Variants in GATA6 observed in about 807,000 individuals in gnomAD.
GATA6 encodes GATA binding protein 6, also known as transcription factor GATA-6.
A neutral mutation model predicts 48.1 loss-of-function variants in GATA6; 11 were observed. The ratio of observed to expected loss-of-function variants is 0.23; its 90% CI spans 0.14 to 0.38. The LOEUF is 0.38. Among genes scored for constraint, GATA6 ranks in the 10% least tolerant of loss-of-function variants. The pLI is 1.00. For missense variants in GATA6, 795 were observed against 850.3 expected, an observed-to-expected ratio of 0.93 and a Z score of 0.81; for synonymous variants, 419 against 396.1, an observed-to-expected ratio of 1.06 and a Z score of -0.69.
Position 22,171,642 on chromosome 18 carries a change from C to G in GATA6, c.498C>G (p.Pro166=), listed in dbSNP as rs746437124. The part of the protein sequence containing the change: ...SQGPAAYDGA[P]GGFVHSAAAA... ...GTCCGGCCGCCTACGACGGCGCGCCCGGCGGCTTCGTGCACTCTGCGGCCG... is the reference window on the plus strand; with the variant it reads ...GTCCGGCCGCCTACGACGGCGCGCCGGGCGGCTTCGTGCACTCTGCGGCCG... Residue 166 remains proline, a synonymous_variant, in exon 2 of 7, where the codon CCC becomes CCG. Transcript: ENST00000269216. This position sits in a 1 kb window ranked among gnomAD's most constrained non-coding sequence, Gnocchi z 7.1. 4 of 1,588,278 alleles carry G rather than the reference C, an allele frequency of 2.5e-6. No individual in the cohort carries two copies. The South Asian group carries it at 3.4e-5, about 13-fold the overall frequency.
At chr18:22,189,060 G>T (rs1568003679) in intron 6 of GATA6, among the ~76,000 whole-genome samples, 1 of 152,150 alleles carries the variant, frequency 6.6e-6, no homozygotes, top group Non-Finnish European at 1.5e-5. Context: ...GGATGGGTGG[G>T]CCTTAACCAC....
chr18:22,175,337 T>A (rs1402768886), intron 2 of GATA6: 2 of 152,212 alleles, frequency 1.3e-5, no homozygotes, highest in Non-Finnish European at 1.5e-5. Context: ...ACCTGGGGAG[T>A]TCACACTGTC....
intron 6 of GATA6, among the ~76,000 whole-genome samples, chr18:22,189,540 A>T (rs1313870226): frequency 6.6e-6 from 1 of 152,160 alleles, no homozygotes; most frequent in Non-Finnish European, 1.5e-5. Flanking sequence ...TTCCTGTGAA[A>T]GAGCTGAAAG....
Position 22,200,868 on chromosome 18 carries a change from C to T in GATA6, c.*45C>T, listed in dbSNP as rs1404384125. 5 of 1,566,064 alleles carry T rather than the reference C, an allele frequency of 3.2e-6. No individual in the cohort carries two copies. Among genetic ancestry groups the T allele is most frequent in the Non-Finnish European group, 3.5e-6 (4 of 1,153,906 alleles). ...AGGGAGGGCTCCGCCGCGGGCCTCA[C>T]TCCACTCGTGTCTGCTTTTGTGCAG... is the stretch of plus-strand genomic sequence containing the variant. On this transcript the variant is annotated 3_prime_UTR_variant, in exon 7 of 7. Transcript: ENST00000269216.
intron 3 of GATA6, among the ~76,000 whole-genome samples, chr18:22,179,842 T>A (rs1342565755): frequency 6.6e-6 from 1 of 152,224 alleles, no homozygotes; most frequent in Admixed American, 6.5e-5. Context: ...GTTGTAGTGC[T>A]AAAAGGTTTG....
chr18:22,170,085 A>G lies in GATA6; in HGVS notation c.-38+403A>G, dbSNP rs1172788969. Among the ~76,000 whole-genome samples the G allele has an allele frequency of 6.6e-6, 1 of 151,840 alleles. No homozygotes were observed. The highest frequency in any genetic ancestry group is 1.5e-5 in the Non-Finnish European group (1 of 67,968). ...GCCTGGAGGAGGCCAGCCCGGCTGCATTTCACCTCCCTCCCCCACTCGCTC... is the reference window on the plus strand; with the variant it reads ...GCCTGGAGGAGGCCAGCCCGGCTGCGTTTCACCTCCCTCCCCCACTCGCTC... On this transcript the variant is annotated intron_variant, in intron 1 of 6. Transcript: ENST00000269216. The surrounding 1 kb of genome is among the most constrained non-coding windows in gnomAD (Gnocchi z 6.7).
Position 22,177,027 on chromosome 18 carries a change from G to A in GATA6, c.1208G>A (p.Arg403Gln), listed in dbSNP as rs1567995625. ...CGSIQTPLWR[R>Q]DGTGHYLCNA... ...TCCATCCAGACGCCGCTGTGGCGGC[G>A]GGACGGCACCGGCCACTACCTGTGC... The change falls in exon 3 of 7, where the codon CGG (arginine) becomes CAG (glutamine). Residue 403 changes from arginine to glutamine, a missense_variant. By Grantham distance (43) the Arg-to-Gln change is conservative. Coordinates refer to ENST00000269216, the MANE Select transcript of GATA6 (RefSeq NM_005257.6). The A allele has an allele frequency of 1.3e-6, 2 of 1,576,998 alleles. No homozygotes were observed. Among genetic ancestry groups the A allele is most frequent in the South Asian group, 1.2e-5 (1 of 86,760 alleles).
intron 6 of GATA6, among the ~76,000 whole-genome samples, chr18:22,189,857 G>A (rs982232785): frequency 6.6e-6 from 1 of 152,174 alleles, no homozygotes; most frequent in Non-Finnish European, 1.5e-5. Flanking sequence ...TTATGTGCCA[G>A]GTGTTTTAGA....
chr18:22,182,759 G>A lies in GATA6; in HGVS notation c.1431G>A (p.Val477=), dbSNP rs566807472. ...TGGCCTATGTGAAAATTTTTTAGGTGCCCAGACCACTTGCTATGAAAAAAG... is the reference window on the plus strand; with the variant it reads ...TGGCCTATGTGAAAATTTTTTAGGTACCCAGACCACTTGCTATGAAAAAAG... ...ACGLYMKLHG[V]PRPLAMKKEG... The change falls in exon 5 of 7, where the codon GTG becomes GTA. Residue 477 remains valine (V), a splice_region_variant and synonymous_variant. Coordinates refer to ENST00000269216, the MANE Select transcript of GATA6 (RefSeq NM_005257.6). 3 of 1,612,994 alleles carry A rather than the reference G, an allele frequency of 1.9e-6. No individual in the cohort carries two copies. The highest frequency in any genetic ancestry group is 2.5e-6 in the Non-Finnish European group (3 of 1,179,270).
chr18:22,182,712 C>G, intron 4 of GATA6, 45 bp from the exon 5 acceptor site: 5 of 1,380,756 alleles, frequency 3.6e-6, no homozygotes, highest in Non-Finnish European at 5.1e-6. Flanking sequence ...TTTGGTTTTT[C>G]TTCAATATAA....
chr18:22,176,918 C>G lies in GATA6; in HGVS notation c.1136-37C>G, dbSNP rs988221670. 9.2e-6 allele frequency: 14 copies of G among 1,521,888 alleles called. No individual in the cohort carries two copies. The African/African-American group carries it at 1.7e-4, about 18-fold the overall frequency. The allele number at this position is 1,521,888 out of a possible 1,614,324, so 94.3% of individuals were successfully genotyped here. A position where few individuals can be genotyped will look rare whatever the true frequency, so the allele number is the denominator to read the frequency against. On this transcript the variant is annotated intron_variant, in intron 2 of 6. Coordinates refer to ENST00000269216, the MANE Select transcript of GATA6 (RefSeq NM_005257.6). ...GACGCGGGGAGGGACGGGTCCGGCG[C>G]GCCCACTCCCGCCCTCACGCACCGC...
At chr18:22,200,624 C>G in intron 6 of GATA6, 32 bp from the exon 7 acceptor site, 3 of 1,613,956 alleles carry the variant, frequency 1.9e-6, no homozygotes, top group Non-Finnish European at 2.5e-6. Flanking sequence ...CTCACCTTCT[C>G]GTCTCTCCTC....
chr18:22,180,221 AT>A (rs138656898), intron 3 of GATA6: 15 of 148,856 alleles, frequency 1.0e-4, no homozygotes, highest in East Asian at 2.0e-4. Flanking sequence ...GCAAGCATCC[AT>A]TTTTTTTTTA....
Position 22,199,723 on chromosome 18 carries a change from T to A in GATA6, c.1621-933T>A, listed in dbSNP as rs574895695. Among the ~76,000 whole-genome samples the A allele has an allele frequency of 3.3e-4, 50 of 151,822 alleles. 1 individual carries two copies. In the South Asian group the frequency reaches 0.01, roughly 30 times the overall value. On this transcript the variant is annotated intron_variant, in intron 6 of 6. Coordinates refer to ENST00000269216, the MANE Select transcript of GATA6 (RefSeq NM_005257.6). ...TTTGAGACCAGCCTGGCCAACATGG[T>A]GAAACCCCGTCTCTACTAAAAATAC...
intron 3 of GATA6, among the ~76,000 whole-genome samples, chr18:22,178,660 C>T (rs561565020): frequency 2.8e-4 from 42 of 152,168 alleles, no homozygotes; most frequent in African/African-American, 8.7e-4. Context: ...ATAAAGTGGC[C>T]GAGGTTAATT....
rs780160108 is a variant in GATA6 at position 22,171,235 on chromosome 18, G to A, written c.91G>A (p.Glu31Lys). ...ASDSRAFPAR[E>K]PSTPPSPISS... ...CGACTCCAGAGCCTTTCCAGCGCGGGAGCCCTCCACGCCGCCTTCCCCCAT... is the reference window on the plus strand; with the variant it reads ...CGACTCCAGAGCCTTTCCAGCGCGGAAGCCCTCCACGCCGCCTTCCCCCAT... The change falls in exon 2 of 7, where the codon GAG becomes AAG. Residue 31 changes from glutamate to lysine, a missense_variant. Coordinates refer to ENST00000269216, the MANE Select transcript of GATA6 (RefSeq NM_005257.6). The surrounding 1 kb of genome is among the most constrained non-coding windows in gnomAD (Gnocchi z 7.1). The A allele has an allele frequency of 1.9e-6, 3 of 1,598,972 alleles. No individual in the cohort carries two copies. The highest frequency in any genetic ancestry group is 1.7e-6 in the Non-Finnish European group (2 of 1,179,192).
At chr18:22,176,240 C>A (rs1172286329) in intron 2 of GATA6, among the ~76,000 whole-genome samples, 1 of 152,108 alleles carries the variant, frequency 6.6e-6, no homozygotes, top group African/African-American at 2.4e-5. Flanking sequence ...AGCAGTTGGA[C>A]CCACTTCTAA....
chr18:22,184,709 G>T (rs945150436), intron 6 of GATA6, among the ~76,000 whole-genome samples: 1 of 151,928 alleles, frequency 6.6e-6, no homozygotes, highest in African/African-American at 2.4e-5. Context: ...ATGTTGGCCA[G>T]GGTGGTCTCG....
chr18:22,177,218 C>A, intron 3 of GATA6, 97 bp downstream of exon 3: 1 of 1,179,786 alleles, frequency 8.5e-7, no homozygotes, highest in Non-Finnish European at 1.1e-6. Flanking sequence ...GGGCGTCCCC[C>A]TCCCAGGGGA....
Sources: allele counts gnomAD v4.1 joint callset (sites outside exome capture counted in the v4.1 genomes callset), GRCh38; gene constraint gnomAD v4.1.1; non-coding constraint Gnocchi (gnomAD v3.1); transcripts MANE v1.5; gene names NCBI Gene and HGNC (gene_info 2026-07-23, HGNC 2026-07-21).